The following IDS variants were observed in gnomAD, a reference collection of about 807,000 sequenced individuals.
IDS encodes alpha-L-iduronate sulfate sulfatase.
In IDS, 1 loss-of-function variant was observed where a neutral mutation model predicts 33.5. The ratio of observed to expected loss-of-function variants is 0.03; its 90% CI spans 0.01 to 0.14. The LOEUF (loss-of-function observed/expected upper bound fraction) is 0.14. Ranked by LOEUF, IDS falls within the 10% of genes least tolerant of loss-of-function variation. IDS has a pLI of 1.00. For synonymous variants in IDS, 191 were observed against 184.4 expected (o/e 1.04, Z -0.29); for missense variants, 328 against 448.0 (o/e 0.73, Z 2.42).
chrX:149,490,494 G>A (rs2089381604), intron 6 of IDS, 54 bp from the exon 7 acceptor site: 1 of 1,155,284 alleles, frequency 8.7e-7, no homozygotes. Flanking sequence ...AATTGCCAAG[G>A]CATACAGAGA....
chrX:149,499,531 G>A (rs1467859030), intron 4 of IDS, among the ~76,000 whole-genome samples: 1 of 111,050 alleles, frequency 9.0e-6, no homozygotes, highest in African/African-American at 3.3e-5. Context: ...TAGTTCAGTT[G>A]TTGTCCCACG....
intron 5 of IDS, 24 bp from the exon 6 acceptor site, chrX:149,496,540 A>C (rs782107662): frequency 1.0e-5 from 12 of 1,201,825 alleles, no homozygotes; most frequent in Admixed American, 4.4e-5. Context: ...ACAAAGCCAC[A>C]AAGTTGTCAC....
At position 149,505,218 on chromosome X, in the gene IDS, C is replaced by G; in HGVS notation, c.-81G>C. On this transcript the variant is annotated 5_prime_UTR_variant, in exon 1 of 9. Coordinates refer to ENST00000340855, the MANE Select transcript of IDS (RefSeq NM_000202.8). The stretch of plus-strand genomic sequence containing the variant: ...CAGTTAGCAGCCGCCGCCGCAGCCA[C>G]AGAGACCTCCTCGTCGGGAACCCAT... The G allele has an allele frequency of 2.9e-6, 2 of 682,619 alleles. No individual in the cohort carries two copies. Among genetic ancestry groups the G allele is most frequent in the Non-Finnish European group, 4.4e-6 (2 of 456,271 alleles). 56.3% of individuals were successfully genotyped at this position (682,619 alleles called of 1,213,427 possible). A position where few individuals can be genotyped will look rare whatever the true frequency, so the allele number is the denominator to read the frequency against.
chrX:149,489,942 C>T (rs1158301060), intron 7 of IDS, among the ~76,000 whole-genome samples: 3 of 110,515 alleles, frequency 2.7e-5, no homozygotes, highest in African/African-American at 9.9e-5. Context: ...GAAGAGCTTG[C>T]TGGGCTCTGC....
rs5936290 is a variant in IDS at position 149,477,634 on chromosome X, C to T, written c.*5112G>A. The stretch of plus-strand genomic sequence containing the variant: ...TCTGATCCCAAAGAAAACCCTTGAG[C>T]GTGGGCTCCCCACAACAGACTGTGT... On this transcript the variant is annotated 3_prime_UTR_variant, in exon 9 of 9. Coordinates refer to ENST00000340855, the MANE Select transcript of IDS (RefSeq NM_000202.8). 12,593 of 112,591 alleles carry T rather than the reference C, an allele frequency of 0.11. 602 individuals carry two copies. Among genetic ancestry groups the T allele is most frequent in the Middle Eastern group, 0.19 (41 of 216 alleles). 9.3% of individuals were successfully genotyped at this position (112,591 alleles called of 1,213,427 possible). A position where few individuals can be genotyped will look rare whatever the true frequency, so the allele number is the denominator to read the frequency against.
chrX:149,491,661 G>C, intron 6 of IDS: 1 of 1,000,453 alleles, frequency 1.0e-6, no homozygotes, highest in Non-Finnish European at 1.3e-6. Flanking sequence ...GTGGAACTTT[G>C]GTCCTCCTGG....
Position 149,482,031 on chromosome X carries a change from TG to T in IDS, c.*714del, listed in dbSNP as rs2089298532. On this transcript the variant is annotated 3_prime_UTR_variant, in exon 9 of 9. Transcript: ENST00000340855. Reference sequence around the variant, plus strand: ...ATTATTATTTGGGCCAGAAAGTATCTGAAAAAAGTTTAACCAAATTTCCTAC... The same window carrying T: ...ATTATTATTTGGGCCAGAAAGTATCTAAAAAAGTTTAACCAAATTTCCTAC... 1 of 112,487 alleles carries T rather than the reference TG, an allele frequency of 8.9e-6. No individual in the cohort carries two copies. The highest frequency in any genetic ancestry group is 3.2e-5 in the African/African-American group (1 of 31,010). 9.3% of individuals were successfully genotyped at this position (112,487 alleles called of 1,213,427 possible).
At chrX:149,491,107 C>A (rs782203143) in intron 6 of IDS, among the ~76,000 whole-genome samples, 1 of 112,376 alleles carries the variant, frequency 8.9e-6, no homozygotes, top group Non-Finnish European at 1.9e-5. Flanking sequence ...AAAAAAAATT[C>A]ATAATTTAAC....
At chrX:149,497,809 C>A (rs2089447617) in intron 5 of IDS, among the ~76,000 whole-genome samples, 1 of 112,350 alleles carries the variant, frequency 8.9e-6, no homozygotes, top group African/African-American at 3.2e-5. Flanking sequence ...CTCTGATTCA[C>A]TACTCTGTGG....
intron 3 of IDS, 31 bp from the exon 4 acceptor site, chrX:149,501,068 G>C: frequency 1.1e-6 from 1 of 929,942 alleles, no homozygotes; most frequent in East Asian, 3.0e-5. Context: ...GTTAAAACAT[G>C]ATGAGTCTTT....
intron 7 of IDS, among the ~76,000 whole-genome samples, chrX:149,487,744 T>C (rs1400336348): frequency 4.5e-5 from 5 of 110,721 alleles, no homozygotes. Flanking sequence ...ATGGTTTGAA[T>C]ATTCCAAGTT....
intron 6 of IDS, among the ~76,000 whole-genome samples, chrX:149,494,930 TG>T (rs782069645): frequency 9.0e-6 from 1 of 111,660 alleles, no homozygotes; most frequent in African/African-American, 3.3e-5. Context: ...GATCCAACCA[TG>T]GGGCTTTGGA....
At chrX:149,498,918 T>A (rs781804661) in intron 4 of IDS, among the ~76,000 whole-genome samples, 37 of 112,197 alleles carry the variant, frequency 3.3e-4, no homozygotes, top group Non-Finnish European at 7.0e-4. Context: ...CCCAAAAAAA[T>A]TAAAAACATA....
chrX:149,482,496 G>A lies in IDS; in HGVS notation c.*250C>T, dbSNP rs1162532076. The A allele has an allele frequency of 3.3e-5, 13 of 389,851 alleles. No individual in the cohort carries two copies. Among genetic ancestry groups the A allele is most frequent in the Admixed American group, 9.5e-5 (2 of 21,055 alleles). The allele number at this position is 389,851 out of a possible 1,213,427, so 32.1% of individuals were successfully genotyped here. ...TTTGTATTTATTCAGTAAATAAGCC[G>A]TAACTGTTTTAAAAAGAGGGAAATT... On this transcript the variant is annotated 3_prime_UTR_variant, in exon 9 of 9. Transcript: ENST00000340855.
intron 8 of IDS, 89 bp downstream of exon 8, chrX:149,486,836 C>G (rs1030195631): frequency 1.7e-5 from 17 of 1,023,708 alleles, no homozygotes; most frequent in Non-Finnish European, 5.5e-6. Flanking sequence ...TCTGTGTAAC[C>G]CCCAAAGCCT....
chrX:149,493,034 G>A (rs1282670809), intron 6 of IDS, among the ~76,000 whole-genome samples: 2 of 111,609 alleles, frequency 1.8e-5, no homozygotes, highest in Non-Finnish European at 3.8e-5. Context: ...GCCTGACCAC[G>A]CGGAAGCCTA....
chrX:149,505,278 CA>C lies in IDS; in HGVS notation c.-142del. 3.0e-6 allele frequency: 1 copy of C among 328,675 alleles called. No individual in the cohort carries two copies. The highest frequency in any genetic ancestry group is 5.2e-6 in the Non-Finnish European group (1 of 191,561). The allele number at this position is 328,675 out of a possible 1,213,427, so 27.1% of individuals were successfully genotyped here. ...GCAACACAGCCGCCGCCCGGGCCCG[CA>C]GGCCCGGGCGCTGGCCGCAGCGCGA... On this transcript the variant is annotated 5_prime_UTR_variant, in exon 1 of 9. Coordinates refer to ENST00000340855, the MANE Select transcript of IDS (RefSeq NM_000202.8).
intron 3 of IDS, chrX:149,502,594 G>A (rs1245967714): frequency 8.1e-6 from 1 of 124,020 alleles, no homozygotes; most frequent in Admixed American, 8.1e-5. Context: ...GAAAACATTC[G>A]TCATTCCCAA....
At chrX:149,502,898 A>G in intron 3 of IDS, 3 of 341,389 alleles carry the variant, frequency 8.8e-6, no homozygotes, top group Admixed American at 5.1e-5. Flanking sequence ...TCATTGGGCA[A>G]TAAGTCAGCA....
Sources: allele counts gnomAD v4.1 joint callset (sites outside exome capture counted in the v4.1 genomes callset), GRCh38; gene constraint gnomAD v4.1.1; transcripts MANE v1.5; gene names NCBI Gene and HGNC (gene_info 2026-07-23, HGNC 2026-07-21).